Variants in LRRC20 observed in about 807,000 individuals in gnomAD.
LRRC20 encodes the protein leucine rich repeat containing 20.
A neutral mutation model predicts 14.4 loss-of-function variants in LRRC20; 11 were observed. The ratio of observed to expected loss-of-function variants is 0.77; its 90% CI spans 0.48 to 1.27. The LOEUF (loss-of-function observed/expected upper bound fraction) is 1.27. Ranked by LOEUF, LRRC20 falls within the 50% of genes most tolerant of loss-of-function variation. The pLI is 0.00. For missense variants in LRRC20, 219 were observed against 251.2 expected (o/e 0.87, Z 0.87); for synonymous variants, 121 against 107.3 (o/e 1.13, Z -0.79).
intron 2 of LRRC20, among the ~76,000 whole-genome samples, chr10:70,373,684 C>T (rs1844395508): frequency 6.6e-6 from 1 of 152,208 alleles, no homozygotes; most frequent in African/African-American, 2.4e-5. Context: ...GGCAAGATCG[C>T]CATGGCTAAA....
intron 4 of LRRC20, among the ~76,000 whole-genome samples, chr10:70,317,434 C>T (rs114569097): frequency 0.014 from 2,075 of 152,072 alleles, 52 homozygotes; most frequent in African/African-American, 0.047. Context: ...TACAGTGGTG[C>T]AATCATAGTT....
At chr10:70,332,020 G>A (rs1842556887) in intron 3 of LRRC20, among the ~76,000 whole-genome samples, 1 of 152,194 alleles carries the variant, frequency 6.6e-6, no homozygotes, top group Non-Finnish European at 1.5e-5. Context: ...ATGCTCGAAG[G>A]AATGTGCCAA....
At chr10:70,359,907 T>TTTTATC (rs1258894085) in intron 2 of LRRC20, among the ~76,000 whole-genome samples, 52 of 151,830 alleles carry the variant, frequency 3.4e-4, no homozygotes, top group African/African-American at 1.2e-3. Context: ...CCACTGCATT[T>TTTTATC]TTTTTCTTTT....
At chr10:70,336,513 A>G (rs1239571307) in intron 3 of LRRC20, among the ~76,000 whole-genome samples, 1 of 152,174 alleles carries the variant, frequency 6.6e-6, no homozygotes, top group African/African-American at 2.4e-5. Context: ...CTCAATTAAC[A>G]ACTAACAGCT....
In LRRC20 at chr10:70,323,999, G is replaced by T; in HGVS notation, c.264C>A (p.Arg88=). 1 of 1,614,180 alleles carries T rather than the reference G, an allele frequency of 6.2e-7. No homozygotes were observed. The highest frequency in any genetic ancestry group is 1.1e-5 in the South Asian group (1 of 91,092). ...GCAGGGCACTGACCTCGCTGGGGAGGCGGTGTAGGAAGTTCCCCTCCAGGT... is the reference window on the plus strand; with the variant it reads ...GCAGGGCACTGACCTCGCTGGGGAGTCGGTGTAGGAAGTTCCCCTCCAGGT... ...ELHLEGNFLH[R]LPSEVSALQH... Residue 88 remains arginine (R), a synonymous_variant, in exon 4 of 5, where the codon CGC becomes CGA. Transcript: ENST00000446961.
At chr10:70,324,209 C>T (rs1460807780) in intron 3 of LRRC20, among the ~76,000 whole-genome samples, 179 bp from the exon 4 acceptor site, 1 of 152,212 alleles carries the variant, frequency 6.6e-6, no homozygotes, top group Non-Finnish European at 1.5e-5. Flanking sequence ...GAGGAGGGGT[C>T]ACCCTCCTAC....
At chr10:70,315,171 A>G (rs529502114) in intron 4 of LRRC20, among the ~76,000 whole-genome samples, 47 of 152,316 alleles carry the variant, frequency 3.1e-4, no homozygotes, top group African/African-American at 1.1e-3. Context: ...TGTGCAGCAA[A>G]TGGTCACTAG....
At chr10:70,349,742 T>C (rs1171215092) in intron 2 of LRRC20, among the ~76,000 whole-genome samples, 1 of 151,876 alleles carries the variant, frequency 6.6e-6, no homozygotes, top group Non-Finnish European at 1.5e-5. Flanking sequence ...ATAGGTAAAT[T>C]GTCCATGGTC....
intron 4 of LRRC20, among the ~76,000 whole-genome samples, chr10:70,303,755 C>A (rs1201071851): frequency 1.3e-5 from 2 of 152,200 alleles, no homozygotes; most frequent in African/African-American, 4.8e-5. Flanking sequence ...TAAGCTGATG[C>A]CCCAGCTTTA....
At chr10:70,342,039 C>T (rs1342886131) in intron 2 of LRRC20, among the ~76,000 whole-genome samples, 1 of 152,076 alleles carries the variant, frequency 6.6e-6, no homozygotes, top group Non-Finnish European at 1.5e-5. Context: ...TGGCTCACGC[C>T]TGCAATCCCA....
chr10:70,352,412 A>T (rs1396984922), intron 2 of LRRC20, among the ~76,000 whole-genome samples: 3 of 146,464 alleles, frequency 2.0e-5, no homozygotes, highest in Non-Finnish European at 3.0e-5. Flanking sequence ...AAAAACTGCT[A>T]AAAAAAATGT....
At chr10:70,313,102 A>C (rs78224503) in intron 4 of LRRC20, among the ~76,000 whole-genome samples, 2,641 of 152,330 alleles carry the variant, frequency 0.017, 69 homozygotes, top group African/African-American at 0.059. Context: ...AAGCCAGATC[A>C]TAACAATTCT....
intron 4 of LRRC20, among the ~76,000 whole-genome samples, chr10:70,313,478 G>C (rs1841744045): frequency 6.6e-6 from 1 of 152,056 alleles, no homozygotes; most frequent in East Asian, 1.9e-4. Flanking sequence ...GGAATCATCT[G>C]GATAAAACTG....
At chr10:70,326,634 T>C (rs903540901) in intron 3 of LRRC20, among the ~76,000 whole-genome samples, 1 of 152,158 alleles carries the variant, frequency 6.6e-6, no homozygotes, top group Non-Finnish European at 1.5e-5. Flanking sequence ...GGTTCTTGAA[T>C]AGCCACACCT....
At chr10:70,346,978 C>T (rs566280849) in intron 2 of LRRC20, among the ~76,000 whole-genome samples, 1 of 152,288 alleles carries the variant, frequency 6.6e-6, no homozygotes, top group East Asian at 1.9e-4. Flanking sequence ...CTTCACCTCC[C>T]AAGCTCAAGT....
chr10:70,317,992 G>A (rs1841934046), intron 4 of LRRC20, among the ~76,000 whole-genome samples: 1 of 152,242 alleles, frequency 6.6e-6, no homozygotes, highest in African/African-American at 2.4e-5. Flanking sequence ...CAGCAGGCCA[G>A]ATGTTGGCAC....
At chr10:70,360,004 C>T (rs1029304651) in intron 2 of LRRC20, among the ~76,000 whole-genome samples, 1 of 151,192 alleles carries the variant, frequency 6.6e-6, no homozygotes, top group African/African-American at 2.4e-5. Context: ...GCAACCTCTG[C>T]CTCCCAGGTT....
chr10:70,355,371 T>C (rs1280261867), intron 2 of LRRC20, among the ~76,000 whole-genome samples: 1 of 152,120 alleles, frequency 6.6e-6, no homozygotes. Flanking sequence ...TCCCGATCTC[T>C]AGAGCAATGT....
intron 2 of LRRC20, among the ~76,000 whole-genome samples, chr10:70,362,221 A>T (rs116071360): frequency 6.6e-6 from 1 of 152,232 alleles, no homozygotes; most frequent in African/African-American, 2.4e-5. Context: ...GCCTTAAAGT[A>T]TAAGAAGGGC....
Sources: allele counts gnomAD v4.1 joint callset (sites outside exome capture counted in the v4.1 genomes callset), GRCh38; gene constraint gnomAD v4.1.1; transcripts MANE v1.5; gene names NCBI Gene and HGNC (gene_info 2026-07-23, HGNC 2026-07-21).